The following CCDC169 variants were observed in gnomAD, a reference collection of about 807,000 sequenced individuals.
The protein encoded by CCDC169 is coiled-coil domain-containing protein 169.
Under a neutral mutation model 36.0 loss-of-function variants are expected in CCDC169, and 30 were observed. That is an observed-to-expected ratio of 0.83 (90% CI 0.62 to 1.13). CCDC169 has a LOEUF of 1.13. Among genes scored for constraint, CCDC169 ranks in the 50% most tolerant of loss-of-function variants. CCDC169 has a pLI of 0.00. For synonymous variants in CCDC169, 85 were observed against 81.5 expected, an observed-to-expected ratio of 1.04 and a Z score of -0.23; for missense variants, 245 against 245.9, an observed-to-expected ratio of 1.00 and a Z score of 0.03.
chr13:36,240,522 A>T (rs1304407542), intron 7 of CCDC169: 3 of 846,236 alleles, frequency 3.5e-6, no homozygotes, highest in East Asian at 6.9e-5. Context: ...GCTGCTTTTT[A>T]AAAAAATCAG....
chr13:36,296,666 T>C (rs1879531777), intron 1 of CCDC169, among the ~76,000 whole-genome samples: 1 of 152,220 alleles, frequency 6.6e-6, no homozygotes, highest in Non-Finnish European at 1.5e-5. Context: ...GGCATTGTAT[T>C]AAATACGGAA....
chr13:36,243,476 T>C (rs984182128), intron 7 of CCDC169, among the ~76,000 whole-genome samples: 1 of 150,954 alleles, frequency 6.6e-6, no homozygotes, highest in Non-Finnish European at 1.5e-5. Context: ...CACTTCAACC[T>C]GGGTGACAGA....
chr13:36,278,190 G>C (rs747213883), intron 4 of CCDC169, among the ~76,000 whole-genome samples: 1 of 152,100 alleles, frequency 6.6e-6, no homozygotes, highest in African/African-American at 2.4e-5. Flanking sequence ...AACTAACAGA[G>C]CTTACTATGT....
intron 6 of CCDC169, among the ~76,000 whole-genome samples, chr13:36,249,592 G>C (rs1380884004): frequency 2.0e-5 from 3 of 152,200 alleles, no homozygotes; most frequent in Non-Finnish European, 2.9e-5. Context: ...CTGAGAAAAA[G>C]AAAGCTAAGG....
At chr13:36,232,750 T>A (rs1319000743) in intron 7 of CCDC169, among the ~76,000 whole-genome samples, 7 of 137,218 alleles carry the variant, frequency 5.1e-5, no homozygotes, top group African/African-American at 1.8e-4. Context: ...GAAAAAAAAA[T>A]TAGCCAGGCA....
rs1053646461 is a variant in CCDC169, at chr13:36,283,468, C to T, written c.315+1G>A. On this transcript the variant is annotated splice_donor_variant, in intron 4 of 7. Transcript: ENST00000239859. LOFTEE classifies it high-confidence loss of function. ...TTGTGTTTAATCACATTTCTACTCA[C>T]CACTGGCATTCGTTCATAGACACGA... 2 of 1,548,466 alleles carry T rather than the reference C, an allele frequency of 1.3e-6. No individual in the cohort carries two copies. The highest frequency in any genetic ancestry group is 1.7e-6 in the Non-Finnish European group (2 of 1,144,576).
chr13:36,277,944 CAAAA>C (rs71084416), intron 4 of CCDC169, among the ~76,000 whole-genome samples: 2 of 100,204 alleles, frequency 2.0e-5, no homozygotes, highest in Non-Finnish European at 4.2e-5. Flanking sequence ...GACTCCGTCT[CAAAA>C]AAAAAAAAAA....
intron 2 of CCDC169, among the ~76,000 whole-genome samples, chr13:36,287,488 G>A (rs551938552): frequency 6.6e-6 from 1 of 152,154 alleles, no homozygotes; most frequent in East Asian, 1.9e-4. Context: ...CTCATGGCTG[G>A]AGTTCCAAGG....
intron 2 of CCDC169, among the ~76,000 whole-genome samples, chr13:36,287,532 G>A (rs1878397863): frequency 1.3e-5 from 2 of 152,152 alleles, no homozygotes; most frequent in African/African-American, 2.4e-5. Flanking sequence ...GTGCATGTAT[G>A]TATACATGTT....
At chr13:36,266,051 G>A (rs1875264767) in intron 4 of CCDC169, among the ~76,000 whole-genome samples, 1 of 152,156 alleles carries the variant, frequency 6.6e-6, no homozygotes, top group Non-Finnish European at 1.5e-5. Flanking sequence ...ACTTTGACTA[G>A]TATTGCAGGG....
intron 4 of CCDC169, among the ~76,000 whole-genome samples, chr13:36,257,082 G>A (rs1425793468): frequency 7.2e-5 from 11 of 151,960 alleles, no homozygotes; most frequent in African/African-American, 2.2e-4. Flanking sequence ...AGGGCCTAAC[G>A]ACCAGGTAGA....
At chr13:36,229,788 C>T (rs984035722), downstream of CCDC169, among the ~76,000 whole-genome samples, 1 of 152,012 alleles carries the variant, frequency 6.6e-6, no homozygotes, top group Non-Finnish European at 1.5e-5. Flanking sequence ...AGTGATCTGC[C>T]TGCCTTGGCC....
chr13:36,269,941 A>AAG (rs397790466), intron 4 of CCDC169, among the ~76,000 whole-genome samples: 1 of 85,010 alleles, frequency 1.2e-5, no homozygotes, highest in Non-Finnish European at 2.8e-5. Context: ...CGGGCAAGAG[A>AAG]GAAATAAAGG....
chr13:36,258,222 T>C (rs1874162488), intron 4 of CCDC169, among the ~76,000 whole-genome samples: 1 of 152,160 alleles, frequency 6.6e-6, no homozygotes, highest in East Asian at 1.9e-4. Context: ...ATTGGGTGGG[T>C]GCAGGCTCCA....
chr13:36,254,850 G>A lies in CCDC169; in HGVS notation c.316-707C>T, dbSNP rs554469325. On this transcript the variant is annotated intron_variant, in intron 4 of 7. Transcript: ENST00000239859. ...TTCTGCTGAGGCTGTGGGCATTCAG[G>A]ACCTGGCTACAGGGAAAACAGAATC... Among the ~76,000 whole-genome samples, 104 of 152,204 alleles carry A rather than the reference G, an allele frequency of 6.8e-4. No homozygotes were observed. The Middle Eastern group carries it at 0.01, about 15-fold the overall frequency.
chr13:36,231,387 T>C (rs1870407687), intron 7 of CCDC169, 95 bp from the exon 8 acceptor site: 1 of 1,221,406 alleles, frequency 8.2e-7, no homozygotes, highest in Non-Finnish European at 1.1e-6. Context: ...TATTGCACCT[T>C]GTTCCCCCCA....
downstream of CCDC169, among the ~76,000 whole-genome samples, chr13:36,229,997 G>A (rs936126846): frequency 6.6e-5 from 10 of 152,148 alleles, no homozygotes; most frequent in Admixed American, 2.0e-4. Context: ...TAATTCCAAT[G>A]TAGAATGATT....
At chr13:36,283,260 C>A (rs1439276024) in intron 4 of CCDC169, 1 of 592,620 alleles carries the variant, frequency 1.7e-6, no homozygotes, top group African/African-American at 1.9e-5. Context: ...ATGCTCTGCT[C>A]TTCAGGACAC....
At chr13:36,270,845 C>T (rs756788722) in intron 4 of CCDC169, among the ~76,000 whole-genome samples, 3 of 152,076 alleles carry the variant, frequency 2.0e-5, no homozygotes. Flanking sequence ...GAAAAATTCT[C>T]ATAGACATTG....
Sources: allele counts gnomAD v4.1 joint callset (sites outside exome capture counted in the v4.1 genomes callset), GRCh38; gene constraint gnomAD v4.1.1; transcripts MANE v1.5; gene names NCBI Gene and HGNC (gene_info 2026-07-23, HGNC 2026-07-21).